MRTFA: variants seen among roughly 807,000 people sequenced by gnomAD.
MRTFA encodes the protein myocardin related transcription factor A, also known as myocardin-related transcription factor A.
A neutral mutation model predicts 83.5 loss-of-function variants in MRTFA; 20 were observed. The observed-to-expected ratio is 0.24, with a 90% CI of 0.17 to 0.35. MRTFA has a LOEUF of 0.35. Among genes scored for constraint, MRTFA ranks in the 10% least tolerant of loss-of-function variants. The pLI is 1.00. For missense variants in MRTFA, 1,200 were observed against 1,224.7 expected, an observed-to-expected ratio of 0.98 and a Z score of 0.30; for synonymous variants, 659 against 541.2, an observed-to-expected ratio of 1.22 and a Z score of -3.02.
chr22:40,568,854 T>A (rs776702003), intron 2 of MRTFA, among the ~76,000 whole-genome samples: 1 of 152,174 alleles, frequency 6.6e-6, no homozygotes, highest in African/African-American at 2.4e-5. Flanking sequence ...AAGCATGATG[T>A]GGATAGCAAA....
intron 4 of MRTFA, among the ~76,000 whole-genome samples, chr22:40,455,506 C>T (rs1311756565): frequency 6.6e-6 from 1 of 152,042 alleles, no homozygotes; most frequent in Non-Finnish European, 1.5e-5. Flanking sequence ...ACTTGCCAGG[C>T]ATGGTGGCGG....
At chr22:40,451,460 G>A (rs1009782473) in intron 4 of MRTFA, among the ~76,000 whole-genome samples, 7 of 152,040 alleles carry the variant, frequency 4.6e-5, no homozygotes, top group African/African-American at 1.7e-4. Context: ...TTTTGGCACC[G>A]GCTATCACCC....
intron 3 of MRTFA, among the ~76,000 whole-genome samples, chr22:40,544,062 T>C (rs2055328506): frequency 6.6e-6 from 1 of 152,144 alleles, no homozygotes; most frequent in African/African-American, 2.4e-5. Context: ...GTAGCTCTGT[T>C]GATTAGTGGG....
At chr22:40,599,180 C>A (rs1602480158) in intron 1 of MRTFA, among the ~76,000 whole-genome samples, 1 of 151,810 alleles carries the variant, frequency 6.6e-6, no homozygotes, top group Non-Finnish European at 1.5e-5. Context: ...TGCCTGTAAT[C>A]CCAGCTACTC....
At chr22:40,425,029 A>G (rs2052924550) in intron 7 of MRTFA, among the ~76,000 whole-genome samples, 1 of 152,210 alleles carries the variant, frequency 6.6e-6, no homozygotes, top group Non-Finnish European at 1.5e-5. Context: ...TCTAGAGGCC[A>G]GTGGCTCACA....
At chr22:40,529,470 C>A (rs937409492) in intron 3 of MRTFA, among the ~76,000 whole-genome samples, 9 of 152,106 alleles carry the variant, frequency 5.9e-5, no homozygotes, top group African/African-American at 2.2e-4. Context: ...GCACCCACCA[C>A]CATGCCCGGC....
At chr22:40,460,784 G>A (rs138491325) in intron 4 of MRTFA, among the ~76,000 whole-genome samples, 1 of 152,202 alleles carries the variant, frequency 6.6e-6, no homozygotes, top group African/African-American at 2.4e-5. Context: ...TGGGGGTAGA[G>A]AGTCCTTCAC....
chr22:40,442,803 G>A (rs182135703), intron 4 of MRTFA, among the ~76,000 whole-genome samples: 4 of 152,284 alleles, frequency 2.6e-5, no homozygotes, highest in Non-Finnish European at 4.4e-5. Context: ...AGAGTGGGGA[G>A]ATAGCTGAGG....
At chr22:40,635,867 T>C (rs143421561) in intron 1 of MRTFA, among the ~76,000 whole-genome samples, 1 of 152,282 alleles carries the variant, frequency 6.6e-6, no homozygotes, top group East Asian at 1.9e-4. Flanking sequence ...GGGAGTCGAC[T>C]CAAAAGGTCC....
At chr22:40,594,350 T>C (rs1347643238) in intron 2 of MRTFA, among the ~76,000 whole-genome samples, 3 of 152,226 alleles carry the variant, frequency 2.0e-5, no homozygotes, top group South Asian at 2.1e-4. Context: ...CAAAAACTTC[T>C]GCCCTCAAGG....
At chr22:40,482,855 G>A (rs1445030570) in intron 3 of MRTFA, among the ~76,000 whole-genome samples, 1 of 152,076 alleles carries the variant, frequency 6.6e-6, no homozygotes, top group African/African-American at 2.4e-5. Context: ...TTAGGCCAGG[G>A]ACAGTGGGTT....
In MRTFA at chr22:40,573,545, G is replaced by A. The variant is rs866791118; in HGVS notation, c.-22+21129C>T. Among the ~76,000 whole-genome samples the A allele has an allele frequency of 5.9e-5, 9 of 151,602 alleles. 1 individual carries two copies. In the South Asian group the frequency reaches 8.5e-4, roughly 14 times the overall value. On this transcript the variant is annotated intron_variant, in intron 2 of 14. Transcript: ENST00000355630. Reference sequence around the variant, plus strand: ...GATGGGATTACAGGCATGAACCACCGTGCCTGGCTGAATTATGTACTTCTG... The same window carrying A: ...GATGGGATTACAGGCATGAACCACCATGCCTGGCTGAATTATGTACTTCTG...
intron 2 of MRTFA, chr22:40,587,533 T>C: frequency 3.5e-6 from 1 of 289,222 alleles, no homozygotes; most frequent in Non-Finnish European, 6.8e-6. Context: ...TTCAACTTTA[T>C]CTCTGACCAC....
At chr22:40,423,739 C>T (rs2052893382) in intron 8 of MRTFA, 54 bp from the exon 9 acceptor site, 1 of 1,456,348 alleles carries the variant, frequency 6.9e-7, no homozygotes, top group South Asian at 1.4e-5. Context: ...AGGGTGTGCC[C>T]AGCCTGCCCT....
At chr22:40,503,790 C>T (rs1178941749) in intron 3 of MRTFA, among the ~76,000 whole-genome samples, 17 of 152,194 alleles carry the variant, frequency 1.1e-4, no homozygotes, top group East Asian at 9.7e-4. Flanking sequence ...GGCATGGTGG[C>T]GCATGCCTGT....
chr22:40,418,824 C>T lies in MRTFA; in HGVS notation c.1914G>A (p.Thr638=), dbSNP rs373988834. 216 of 1,610,878 alleles carry T rather than the reference C, an allele frequency of 1.3e-4. No individual in the cohort carries two copies. Among genetic ancestry groups the T allele is most frequent in the Middle Eastern group, 1.6e-4 (1 of 6,072 alleles). Reference sequence around the variant, plus strand: ...GCTGCTGCTTCTGCCGGAGCATGCGCGTCAGCGCCTCGATCTGCTTGTCTT... The same window carrying T: ...GCTGCTGCTTCTGCCGGAGCATGCGTGTCAGCGCCTCGATCTGCTTGTCTT... Residue 638 remains threonine, a synonymous_variant, in exon 12 of 15, where the codon ACG becomes ACA. Coordinates refer to ENST00000355630, the MANE Select transcript of MRTFA (RefSeq NM_020831.6).
At chr22:40,610,616 G>C (rs971795543) in intron 1 of MRTFA, among the ~76,000 whole-genome samples, 2 of 149,528 alleles carry the variant, frequency 1.3e-5, no homozygotes, top group Admixed American at 6.7e-5. Context: ...CTCAAGTATT[G>C]TACTTTTTAT....
intron 3 of MRTFA, among the ~76,000 whole-genome samples, chr22:40,544,925 G>GA (rs1333155467): frequency 6.8e-6 from 1 of 147,976 alleles, no homozygotes; most frequent in Non-Finnish European, 1.5e-5. Context: ...ACACTGTCTT[G>GA]AAAAATAAAT....
intron 2 of MRTFA, among the ~76,000 whole-genome samples, chr22:40,578,682 G>A (rs1216958801): frequency 6.6e-6 from 1 of 152,148 alleles, no homozygotes; most frequent in Non-Finnish European, 1.5e-5. Context: ...AACACTTTGG[G>A]AGGCTGAGGC....
Sources: allele counts gnomAD v4.1 joint callset (sites outside exome capture counted in the v4.1 genomes callset), GRCh38; gene constraint gnomAD v4.1.1; transcripts MANE v1.5; gene names NCBI Gene and HGNC (gene_info 2026-07-23, HGNC 2026-07-21).